PRKN: variants seen among roughly 807,000 people sequenced by gnomAD.
The protein encoded by PRKN is E3 ubiquitin-protein ligase parkin.
PRKN carries 56 observed loss-of-function variants against 59.5 expected under a neutral mutation model. The observed-to-expected ratio is 0.94, with a 90% confidence interval of 0.76 to 1.18. The LOEUF (loss-of-function observed/expected upper bound fraction) is 1.18. Among genes scored for constraint, PRKN ranks in the 50% most tolerant of loss-of-function variants. The pLI is 0.00. For missense variants in PRKN, 657 were observed against 596.4 expected, an observed-to-expected ratio of 1.10 and a Z score of -1.06; for synonymous variants, 250 against 222.1, an observed-to-expected ratio of 1.13 and a Z score of -1.12.
At chr6:162,159,390 A>G (rs1782662050) in intron 4 of PRKN, among the ~76,000 whole-genome samples, 1 of 152,222 alleles carries the variant, frequency 6.6e-6, no homozygotes, top group Non-Finnish European at 1.5e-5. Context: ...TACAATCAAA[A>G]TCTGATCTAC....
Position 161,569,782 on chromosome 6 carries a change from T to C in PRKN, c.872-366A>G, listed in dbSNP as rs145335214. 3.1e-3 allele frequency among the ~76,000 whole-genome samples: 478 copies of C among 151,976 alleles called. 1 individual carries two copies. Among genetic ancestry groups the C allele is most frequent in the African/African-American group, 0.011 (455 of 41,432 alleles). ...ATTCCGCAGGGCCAGAGTAGGGGAG[T>C]TGGTGACCACAGGCTCTGACTTATT... On this transcript the variant is annotated intron_variant, in intron 7 of 11. Coordinates refer to ENST00000366898, the MANE Select transcript of PRKN (RefSeq NM_004562.3).
chr6:161,691,317 G>C (rs1453386805), intron 7 of PRKN, among the ~76,000 whole-genome samples: 1 of 152,290 alleles, frequency 6.6e-6, no homozygotes, highest in East Asian at 1.9e-4. Context: ...CCGAAGCAAG[G>C]CCCCTGCAGG....
intron 6 of PRKN, among the ~76,000 whole-genome samples, chr6:161,794,546 G>C (rs1790762778): frequency 6.6e-6 from 1 of 152,148 alleles, no homozygotes; most frequent in Non-Finnish European, 1.5e-5. Context: ...ATATGAACTA[G>C]TTTCGCAGTG....
intron 2 of PRKN, among the ~76,000 whole-genome samples, chr6:162,431,959 A>G (rs1371502335): frequency 1.3e-5 from 2 of 152,212 alleles, no homozygotes; most frequent in African/African-American, 4.8e-5. Flanking sequence ...TGGTTTTAAT[A>G]AACTGAAATG....
intron 6 of PRKN, among the ~76,000 whole-genome samples, chr6:161,967,221 G>A (rs1780615380): frequency 6.6e-6 from 1 of 152,194 alleles, no homozygotes. Flanking sequence ...ATCTGGCCAT[G>A]AGTCACACAT....
chr6:161,773,242 A>G (rs1437065310), intron 7 of PRKN, among the ~76,000 whole-genome samples: 1 of 152,206 alleles, frequency 6.6e-6, no homozygotes, highest in African/African-American at 2.4e-5. Flanking sequence ...TATGGCTCAT[A>G]ATAAATTTAA....
chr6:161,730,199 TTTCTGTGTTGCA>T (rs1787625462), intron 7 of PRKN, among the ~76,000 whole-genome samples: 2 of 151,384 alleles, frequency 1.3e-5, no homozygotes, highest in African/African-American at 4.9e-5. Flanking sequence ...TGTTGCATTC[TTTCTGTGTTGCA>T]TTCTGATGTG....
At chr6:162,222,176 C>A (rs904697801) in intron 3 of PRKN, among the ~76,000 whole-genome samples, 1 of 152,130 alleles carries the variant, frequency 6.6e-6, no homozygotes, top group African/African-American at 2.4e-5. Context: ...GTAAGTAACC[C>A]TCTCGCCTTG....
chr6:162,375,418 T>TC lies in PRKN; in HGVS notation c.171+67891dup, dbSNP rs1171289676. 1.4e-4 allele frequency among the ~76,000 whole-genome samples: 21 copies of TC among 151,930 alleles called. No homozygotes were observed. The East Asian group carries it at 3.9e-3, about 28-fold the overall frequency. On this transcript the variant is annotated intron_variant, in intron 2 of 11. Coordinates refer to ENST00000366898, the MANE Select transcript of PRKN (RefSeq NM_004562.3). ...TTATCAACTCCTGTTTTTTTTTTTTTCCATTTCTTTTTGTATTTGGTGTCT... is the reference window on the plus strand; with the variant it reads ...TTATCAACTCCTGTTTTTTTTTTTTTCCCATTTCTTTTTGTATTTGGTGTCT...
At chr6:161,887,572 A>G (rs1235472083) in intron 6 of PRKN, among the ~76,000 whole-genome samples, 2 of 152,224 alleles carry the variant, frequency 1.3e-5, no homozygotes, top group Middle Eastern at 3.2e-3. Flanking sequence ...GTATGATTGT[A>G]TAAGAGATGC....
At chr6:161,613,517 T>G (rs141014236) in intron 7 of PRKN, among the ~76,000 whole-genome samples, 1 of 152,290 alleles carries the variant, frequency 6.6e-6, no homozygotes, top group African/African-American at 2.4e-5. Context: ...ATTTTGAAAG[T>G]TGTTCTACTG....
chr6:162,337,495 G>A (rs1210025432), intron 2 of PRKN, among the ~76,000 whole-genome samples: 3 of 152,190 alleles, frequency 2.0e-5, no homozygotes, highest in African/African-American at 7.2e-5. Context: ...GCACGTAATA[G>A]ATAATCCAAG....
intron 2 of PRKN, among the ~76,000 whole-genome samples, chr6:162,391,496 A>C (rs1465458799): frequency 6.7e-6 from 1 of 150,268 alleles, no homozygotes; most frequent in Non-Finnish European, 1.5e-5. Flanking sequence ...CTGGAAGATA[A>C]TTTTCTTACT....
intron 1 of PRKN, among the ~76,000 whole-genome samples, chr6:162,491,180 G>A (rs1406096681): frequency 6.7e-6 from 1 of 149,804 alleles, no homozygotes; most frequent in Non-Finnish European, 1.5e-5. Flanking sequence ...TGAGGCACAC[G>A]ATTCATTTGA....
Position 161,397,772 on chromosome 6 carries a change from G to A in PRKN, c.1084-10895C>T, listed in dbSNP as rs761687676. 3.3e-5 allele frequency among the ~76,000 whole-genome samples: 5 copies of A among 152,148 alleles called. No individual in the cohort carries two copies. Among genetic ancestry groups the A allele is most frequent in the Non-Finnish European group, 5.9e-5 (4 of 68,030 alleles). On this transcript the variant is annotated intron_variant, in intron 9 of 11. Coordinates refer to ENST00000366898, the MANE Select transcript of PRKN (RefSeq NM_004562.3). The surrounding 1 kb of genome is among the most constrained non-coding windows in gnomAD (Gnocchi z 4.2). ...GATAGCACAGTGCTGAGGAAACCCA[G>A]TACTGAGAATGGAGAGGTCAATCCT...
intron 2 of PRKN, among the ~76,000 whole-genome samples, chr6:162,305,717 G>C (rs901772956): frequency 1.3e-5 from 2 of 152,092 alleles, no homozygotes; most frequent in Non-Finnish European, 2.9e-5. Context: ...ACTAGCATTT[G>C]ATTGCTGAAT....
intron 1 of PRKN, among the ~76,000 whole-genome samples, chr6:162,690,469 G>C (rs758511406): frequency 6.6e-6 from 1 of 152,124 alleles, no homozygotes; most frequent in African/African-American, 2.4e-5. Flanking sequence ...AAGGGAAAGC[G>C]GTAGCTTTCA....
At chr6:162,476,244 G>T (rs1313201339) in intron 1 of PRKN, among the ~76,000 whole-genome samples, 2 of 151,554 alleles carry the variant, frequency 1.3e-5, no homozygotes, top group Non-Finnish European at 1.5e-5. Flanking sequence ...ATTTATTTAT[G>T]TATTTTTAGT....
intron 8 of PRKN, among the ~76,000 whole-genome samples, chr6:161,564,958 C>A (rs1017931752): frequency 2.6e-5 from 4 of 152,230 alleles, no homozygotes; most frequent in African/African-American, 9.6e-5. Context: ...GTCTTTCATT[C>A]TTTGGCCAAT....
Sources: allele counts gnomAD v4.1 joint callset (sites outside exome capture counted in the v4.1 genomes callset), GRCh38; gene constraint gnomAD v4.1.1; non-coding constraint Gnocchi (gnomAD v3.1); transcripts MANE v1.5; gene names NCBI Gene and HGNC (gene_info 2026-07-23, HGNC 2026-07-21).